THSD7B: variants seen among roughly 807,000 people sequenced by gnomAD.
THSD7B encodes the protein thrombospondin type 1 domain containing 7B.
In THSD7B, 138 loss-of-function variants were observed where a neutral mutation model predicts 213.6. The observed-to-expected ratio is 0.65, with a 90% confidence interval of 0.56 to 0.74. The LOEUF (loss-of-function observed/expected upper bound fraction) is 0.74, where lower values mean the gene tolerates loss of function less well. THSD7B is among the 30% of genes least tolerant of loss of function. The pLI is 0.00. For missense variants in THSD7B, 1,931 were observed against 1,991.5 expected (o/e 0.97, Z 0.58); for synonymous variants, 742 against 687.0 (o/e 1.08, Z -1.25).
chr2:136,993,519 C>T (rs1025012358), intron 2 of THSD7B, among the ~76,000 whole-genome samples: 1 of 152,158 alleles, frequency 6.6e-6, no homozygotes, highest in Non-Finnish European at 1.5e-5. Flanking sequence ...TAACTGAGAG[C>T]TTGAGCTTTG....
rs145523248 is a variant in THSD7B at position 136,796,690 on chromosome 2, A to G, written c.-36+31003A>G. On this transcript the variant is annotated intron_variant, in intron 1 of 27. Coordinates refer to ENST00000409968, the MANE Select transcript of THSD7B (RefSeq NM_001316349.2). ...CTTCTTATCAATTCTGGGAGTTTTG[A>G]GTTCCTCTAAAGTCAATATTTGTTT... Among the ~76,000 whole-genome samples the G allele has an allele frequency of 6.0e-3, 911 of 152,026 alleles. 15 individuals carry two copies. The highest frequency in any genetic ancestry group is 0.021 in the African/African-American group (853 of 41,502).
At chr2:137,143,227 A>G (rs911971373) in intron 5 of THSD7B, among the ~76,000 whole-genome samples, 2 of 152,172 alleles carry the variant, frequency 1.3e-5, no homozygotes, top group African/African-American at 4.8e-5. Flanking sequence ...CACAATTGGT[A>G]CTATACACAT....
chr2:137,129,590 C>G (rs924367603), intron 5 of THSD7B, among the ~76,000 whole-genome samples: 6 of 152,016 alleles, frequency 3.9e-5, no homozygotes, highest in African/African-American at 1.2e-4. Flanking sequence ...CAGGCCCGTG[C>G]CACCACACCT....
chr2:137,315,471 C>T (rs1022342958), intron 12 of THSD7B, among the ~76,000 whole-genome samples: 3 of 152,112 alleles, frequency 2.0e-5, no homozygotes, highest in African/African-American at 4.8e-5. Context: ...CCGTCTTCTG[C>T]GTCGCTCATG....
At chr2:136,909,468 C>T (rs750780173) in intron 2 of THSD7B, among the ~76,000 whole-genome samples, 1 of 152,198 alleles carries the variant, frequency 6.6e-6, no homozygotes, top group Non-Finnish European at 1.5e-5. Context: ...ATTTCTTATA[C>T]ATCTTTGTGC....
chr2:137,669,478 G>C (rs1410556329), intron 27 of THSD7B, among the ~76,000 whole-genome samples: 1 of 151,970 alleles, frequency 6.6e-6, no homozygotes, highest in African/African-American at 2.4e-5. Flanking sequence ...TTGATGTTTG[G>C]CTAGTATTGC....
At chr2:137,312,397 T>C (rs1328954279) in intron 12 of THSD7B, among the ~76,000 whole-genome samples, 5 of 149,090 alleles carry the variant, frequency 3.4e-5, no homozygotes, top group East Asian at 3.9e-4. Context: ...TCTTCTCTCT[T>C]TTTTTCTTTA....
At chr2:136,860,768 G>A (rs1332263787) in intron 1 of THSD7B, among the ~76,000 whole-genome samples, 2 of 152,178 alleles carry the variant, frequency 1.3e-5, no homozygotes, top group Non-Finnish European at 2.9e-5. Flanking sequence ...TAAGTCACAT[G>A]ACGTCACTGT....
At chr2:137,559,757 T>C (rs1469244440) in intron 15 of THSD7B, among the ~76,000 whole-genome samples, 4 of 152,120 alleles carry the variant, frequency 2.6e-5, no homozygotes. Flanking sequence ...CAAAAGAAAC[T>C]ACCATCCAAT....
At chr2:137,126,771 C>T (rs1234428629) in intron 5 of THSD7B, among the ~76,000 whole-genome samples, 1 of 152,162 alleles carries the variant, frequency 6.6e-6, no homozygotes, top group African/African-American at 2.4e-5. Context: ...TAAGCTTAAT[C>T]ATTTCTAGCT....
At chr2:136,905,044 C>T (rs559884927) in intron 2 of THSD7B, among the ~76,000 whole-genome samples, 2 of 152,174 alleles carry the variant, frequency 1.3e-5, no homozygotes, top group Admixed American at 6.5e-5. Flanking sequence ...CTGTGTAATG[C>T]GATCCTCATG....
At chr2:137,251,649 G>A (rs1004721875) in intron 10 of THSD7B, among the ~76,000 whole-genome samples, 1 of 152,160 alleles carries the variant, frequency 6.6e-6, no homozygotes. Context: ...AGACTGACCC[G>A]TGGGTAAAAC....
At chr2:136,914,196 G>A (rs1032914608) in intron 2 of THSD7B, among the ~76,000 whole-genome samples, 3 of 152,142 alleles carry the variant, frequency 2.0e-5, no homozygotes, top group Admixed American at 1.3e-4. Flanking sequence ...GGACATACGT[G>A]GGCCCTGTAA....
At chr2:137,078,007 A>G (rs1037447491) in intron 3 of THSD7B, among the ~76,000 whole-genome samples, 20 of 152,066 alleles carry the variant, frequency 1.3e-4, no homozygotes, top group Admixed American at 5.2e-4. Flanking sequence ...TTTGTATAAG[A>G]TGTAAGGAAG....
At chr2:136,824,632 G>T (rs922340092) in intron 1 of THSD7B, among the ~76,000 whole-genome samples, 8 of 152,138 alleles carry the variant, frequency 5.3e-5, no homozygotes, top group African/African-American at 1.9e-4. Context: ...CTGCTGTCCT[G>T]TTTCTGATAG....
At chr2:136,846,972 C>A (rs111778343) in intron 1 of THSD7B, among the ~76,000 whole-genome samples, 4 of 152,058 alleles carry the variant, frequency 2.6e-5, no homozygotes, top group African/African-American at 9.7e-5. Context: ...AAGCTTAGTT[C>A]TGGCCACAGG....
intron 1 of THSD7B, among the ~76,000 whole-genome samples, chr2:136,815,278 A>C (rs1444977053): frequency 2.0e-5 from 3 of 152,218 alleles, no homozygotes; most frequent in African/African-American, 7.2e-5. Context: ...CTAGAAAAAG[A>C]ATTGACTTGA....
rs548207204 is a variant in THSD7B at position 137,108,539 on chromosome 2, C to G, written c.1200-6585C>G. Among the ~76,000 whole-genome samples the G allele has an allele frequency of 8.5e-5, 13 of 152,278 alleles. No individual in the cohort carries two copies. The South Asian group carries it at 2.7e-3, about 32-fold the overall frequency. On this transcript the variant is annotated intron_variant, in intron 4 of 27. Coordinates refer to ENST00000409968, the MANE Select transcript of THSD7B (RefSeq NM_001316349.2). ...CACTATCAGGAAGTCAAGCCAGCCA[C>G]TTGAGTTGTTTAATTCTAACTACGG...
chr2:137,640,529 G>A (rs1293565761), intron 20 of THSD7B, among the ~76,000 whole-genome samples: 1 of 152,200 alleles, frequency 6.6e-6, no homozygotes, highest in Non-Finnish European at 1.5e-5. Context: ...TAATGAAGCA[G>A]CTACTAGAGT....
Sources: allele counts gnomAD v4.1 joint callset (sites outside exome capture counted in the v4.1 genomes callset), GRCh38; gene constraint gnomAD v4.1.1; transcripts MANE v1.5; gene names NCBI Gene and HGNC (gene_info 2026-07-23, HGNC 2026-07-21).